The following XPO7 variants were observed in gnomAD, a reference collection of about 807,000 sequenced individuals.
XPO7 encodes the protein exportin-7.
A neutral mutation model predicts 144.3 loss-of-function variants in XPO7; 21 were observed. The ratio of observed to expected loss-of-function variants is 0.15; its 90% confidence interval spans 0.10 to 0.21. XPO7 has a LOEUF of 0.21. Ranked by LOEUF, XPO7 falls within the 10% of genes least tolerant of loss-of-function variation. XPO7 has a pLI of 1.00. For synonymous variants in XPO7, 580 were observed against 499.6 expected (o/e 1.16, Z -2.15); for missense variants, 808 against 1,325.8 (o/e 0.61, Z 6.06).
At chr8:21,938,051 CT>C (rs982783371) in intron 1 of XPO7, among the ~76,000 whole-genome samples, 55 of 152,058 alleles carry the variant, frequency 3.6e-4, no homozygotes, top group African/African-American at 1.3e-3. Context: ...CACAAGCCCT[CT>C]GGTATTGATT....
chr8:21,982,609 A>G (rs779489899), intron 10 of XPO7, 31 bp from the exon 11 acceptor site: 12 of 1,544,900 alleles, frequency 7.8e-6, no homozygotes, highest in Non-Finnish European at 9.6e-6. Context: ...GAAATGAAAA[A>G]TATGCCTTCT....
At chr8:21,989,209 C>G in intron 16 of XPO7, 126 bp downstream of exon 16, 1 of 914,314 alleles carries the variant, frequency 1.1e-6, no homozygotes, top group Non-Finnish European at 1.6e-6. Flanking sequence ...TTCCATTTTC[C>G]TAGGAGTCCA....
At chr8:21,932,173 C>G (rs1476305619) in intron 1 of XPO7, among the ~76,000 whole-genome samples, 1 of 152,158 alleles carries the variant, frequency 6.6e-6, no homozygotes, top group African/African-American at 2.4e-5. Flanking sequence ...TGGCCAGAAG[C>G]TTCTTTTAAA....
intron 1 of XPO7, among the ~76,000 whole-genome samples, chr8:21,963,713 A>G (rs1181854278): frequency 6.6e-6 from 1 of 151,328 alleles, no homozygotes. Flanking sequence ...AAAAAAAAGT[A>G]TAACCATTGG....
At chr8:21,998,632 T>C in intron 21 of XPO7, 123 bp from the exon 22 acceptor site, 1 of 693,032 alleles carries the variant, frequency 1.4e-6, no homozygotes, top group East Asian at 2.7e-5. Flanking sequence ...CATATTAGGA[T>C]AGGCAATTGC....
intron 1 of XPO7, among the ~76,000 whole-genome samples, chr8:21,931,722 T>C (rs915357367): frequency 7.9e-5 from 12 of 152,246 alleles, no homozygotes; most frequent in Non-Finnish European, 1.6e-4. Context: ...CTATCAATTC[T>C]ACCTTAACTA....
In XPO7 at chr8:21,976,377, T is replaced by C. The variant is rs768439519; in HGVS notation, c.619T>C (p.Leu207=). 4.3e-6 allele frequency: 7 copies of C among 1,613,778 alleles called. No individual in the cohort carries two copies. The highest frequency in any genetic ancestry group is 1.3e-5 in the African/African-American group (1 of 74,924). ...ACAGGCTTCAGGAAAGAATCTAAAC[T>C]TGAATGATGAAAGTCAGCATGGCTT... The part of the protein sequence containing the change: ...LKQASGKNLN[L]NDESQHGLLM... The change falls in exon 7 of 28, where the codon TTG becomes CTG. Residue 207 remains leucine (L), a synonymous_variant. Transcript: ENST00000252512.
At chr8:21,921,152 G>GATA (rs749144404) in intron 1 of XPO7, among the ~76,000 whole-genome samples, 19 of 152,194 alleles carry the variant, frequency 1.2e-4, no homozygotes, top group Non-Finnish European at 2.4e-4. Flanking sequence ...TGATAATAAT[G>GATA]ATAATAATAA....
In XPO7 at chr8:21,942,445, G is replaced by A. The variant is rs569617084; in HGVS notation, c.18+22657G>A. Among the ~76,000 whole-genome samples the A allele has an allele frequency of 1.4e-3, 212 of 152,298 alleles. 1 individual carries two copies. Among genetic ancestry groups the A allele is most frequent in the African/African-American group, 4.5e-3 (186 of 41,568 alleles). On this transcript the variant is annotated intron_variant, in intron 1 of 27. Coordinates refer to ENST00000252512, the MANE Select transcript of XPO7 (RefSeq NM_015024.5). ...CAAAGCACAAAATTTTAGTAAGGTA[G>A]CATTGTTTTATAATTTTTTGTGAAT...
intron 11 of XPO7, 90 bp downstream of exon 11, chr8:21,982,902 C>G (rs1327919834): frequency 1.4e-6 from 2 of 1,448,100 alleles, no homozygotes; most frequent in Non-Finnish European, 1.8e-6. Flanking sequence ...AAGAGGTACT[C>G]GAAGCGTGTC....
intron 1 of XPO7, among the ~76,000 whole-genome samples, chr8:21,965,970 T>A (rs1303649557): frequency 1.0e-5 from 1 of 100,418 alleles, no homozygotes; most frequent in Non-Finnish European, 2.1e-5. Flanking sequence ...GGCTAACAGA[T>A]GTTTACTCTC....
rs752938219 is a variant in XPO7 at position 21,990,354 on chromosome 8, G to A, written c.1879G>A (p.Val627Ile). ...LNDLSIGYSS[V>I]RKLVKLSAVQ... is the part of the protein sequence containing the mutation. Reference sequence around the variant, plus strand: ...TTCCTTTGTCTTCACGTACAGTAGCGTAAGGAAGCTAGTGAAGCTTAGTGC... The same window carrying A: ...TTCCTTTGTCTTCACGTACAGTAGCATAAGGAAGCTAGTGAAGCTTAGTGC... Residue 627 changes from valine (V) to isoleucine (I), a missense_variant, in exon 17 of 28, where the codon GTA becomes ATA. Coordinates refer to ENST00000252512, the MANE Select transcript of XPO7 (RefSeq NM_015024.5). 5.0e-6 allele frequency: 8 copies of A among 1,613,540 alleles called. No homozygotes were observed. Among genetic ancestry groups the A allele is most frequent in the South Asian group, 2.2e-5 (2 of 91,080 alleles).
intron 7 of XPO7, among the ~76,000 whole-genome samples, chr8:21,977,073 G>T (rs1041965766): frequency 4.6e-5 from 7 of 152,154 alleles, no homozygotes; most frequent in Admixed American, 1.3e-4. Context: ...TCACCTTTTT[G>T]CATTAATTGC....
At chr8:21,973,021 A>G (rs1165544912) in intron 5 of XPO7, among the ~76,000 whole-genome samples, 1 of 151,988 alleles carries the variant, frequency 6.6e-6, no homozygotes. Context: ...TTATTCTCAG[A>G]ACAGTCATAT....
chr8:21,983,483 T>A (rs1192892174), intron 11 of XPO7, among the ~76,000 whole-genome samples: 1 of 152,244 alleles, frequency 6.6e-6, no homozygotes, highest in African/African-American at 2.4e-5. Context: ...ATTCTTAATT[T>A]GCTTAGCCCC....
chr8:21,967,505 T>A (rs995764492), intron 2 of XPO7, among the ~76,000 whole-genome samples: 1 of 151,764 alleles, frequency 6.6e-6, no homozygotes, highest in Non-Finnish European at 1.5e-5. Flanking sequence ...TAATTTTGTA[T>A]TTTTTTTAGT....
intron 1 of XPO7, among the ~76,000 whole-genome samples, chr8:21,965,471 G>T (rs374877564): frequency 1.2e-3 from 176 of 152,296 alleles, no homozygotes; most frequent in African/African-American, 3.9e-3. Flanking sequence ...TTGAAGAAGA[G>T]ATTAAGTGGG....
intron 1 of XPO7, among the ~76,000 whole-genome samples, chr8:21,933,804 C>T (rs1032285685): frequency 6.6e-6 from 1 of 152,212 alleles, no homozygotes; most frequent in Admixed American, 6.5e-5. Flanking sequence ...TGAGGTGATA[C>T]TAGAATCACA....
At chr8:21,981,588 C>A in intron 9 of XPO7, 143 bp from the exon 10 acceptor site, 1 of 951,070 alleles carries the variant, frequency 1.1e-6, no homozygotes, top group Non-Finnish European at 1.5e-6. Context: ...ATTATGCAGA[C>A]GTATCATTCT....
Sources: allele counts gnomAD v4.1 joint callset (sites outside exome capture counted in the v4.1 genomes callset), GRCh38; gene constraint gnomAD v4.1.1; transcripts MANE v1.5; gene names NCBI Gene and HGNC (gene_info 2026-07-23, HGNC 2026-07-21).